ARFRP1: variants seen among roughly 807,000 people sequenced by gnomAD.
ARFRP1 encodes the protein ADP-ribosylation factor-related protein 1.
ARFRP1 carries 19 observed loss-of-function variants against 30.3 expected under a neutral mutation model. The observed-to-expected ratio is 0.63, with a 90% CI of 0.44 to 0.92. The LOEUF is 0.92. Ranked by LOEUF, ARFRP1 falls within the 40% of genes least tolerant of loss-of-function variation. The pLI is 0.00. For synonymous variants in ARFRP1, 133 were observed against 114.2 expected (o/e 1.16, Z -1.05); for missense variants, 245 against 267.5 (o/e 0.92, Z 0.59).
At position 63,700,674 on chromosome 20, in the gene ARFRP1, G is replaced by A. The variant is rs750696744; in HGVS notation, c.446C>T (p.Thr149Met). 18 of 1,610,740 alleles carry A rather than the reference G, an allele frequency of 1.1e-5. No individual in the cohort carries two copies. Among genetic ancestry groups the A allele is most frequent in the South Asian group, 3.3e-5 (3 of 91,002 alleles). The stretch of plus-strand genomic sequence containing the variant: ...CTTGCTGGTGCAGTCGCTGAAGGCC[G>A]TCTTGATGTCAGGGATTGAGAGGCA... ...ETCLSIPDIK[T>M]AFSDCTSKIG... The change falls in exon 7 of 8, where the codon ACG becomes ATG. Residue 149 changes from threonine (T) to methionine (M), a missense_variant. Thr to Met is a moderately conservative substitution (Grantham distance 81). Coordinates refer to ENST00000622789, the MANE Select transcript of ARFRP1 (RefSeq NM_001267547.3).
At position 63,701,822 on chromosome 20, in the gene ARFRP1, G is replaced by C; in HGVS notation, c.417+8C>G. On this transcript the variant is annotated splice_region_variant and intron_variant, in intron 6 of 7. Coordinates refer to ENST00000622789, the MANE Select transcript of ARFRP1 (RefSeq NM_001267547.3). ...GAAGCTGCTGCGGGAGGCAGGGGTG[G>C]GGCTCACCTCCACATCCTGCTTGTT... is the stretch of plus-strand genomic sequence containing the variant. 6.5e-7 allele frequency: 1 copy of C among 1,549,980 alleles called. No individual in the cohort carries two copies. The highest frequency in any genetic ancestry group is 8.7e-7 in the Non-Finnish European group (1 of 1,146,838).
rs772247720 is a variant in ARFRP1 at position 63,702,092 on chromosome 20, CCA to C, written c.346+42_346+43del. ...AGAGCTGCCCAAGCTGGACCTGCCCCCACTCACCATCCATCCCTCCCAGAGCA... is the reference window on the plus strand; with the variant it reads ...AGAGCTGCCCAAGCTGGACCTGCCCCCTCACCATCCATCCCTCCCAGAGCA... On this transcript the variant is annotated intron_variant, in intron 5 of 7. Coordinates refer to ENST00000622789, the MANE Select transcript of ARFRP1 (RefSeq NM_001267547.3). 1.6e-5 allele frequency: 26 copies of C among 1,591,060 alleles called. 1 individual carries two copies. The highest frequency in any genetic ancestry group is 1.2e-4 in the South Asian group (11 of 90,700).
chr20:63,702,047 A>G, intron 5 of ARFRP1, 89 bp downstream of exon 5: 1 of 1,277,390 alleles, frequency 7.8e-7, no homozygotes, highest in Non-Finnish European at 1.1e-6. Context: ...CTGACCAGAC[A>G]CTGAGCCTGC....
At chr20:63,706,605 G>A (rs955202756) in intron 3 of ARFRP1, 46 bp downstream of exon 3, 2 of 1,546,062 alleles carry the variant, frequency 1.3e-6, no homozygotes, top group African/African-American at 1.4e-5. Context: ...GAATATCACG[G>A]CATCCTCAAG....
chr20:63,700,922 A>T (rs2091173458), intron 6 of ARFRP1: 7 of 623,536 alleles, frequency 1.1e-5, no homozygotes, highest in Non-Finnish European at 1.4e-5. Flanking sequence ...AGACGTCCAC[A>T]CGGCTCCAAG....
At chr20:63,702,320 G>T (rs2091256230) in intron 4 of ARFRP1, 103 bp from the exon 5 acceptor site, 1 of 1,106,054 alleles carries the variant, frequency 9.0e-7, no homozygotes, top group Non-Finnish European at 1.3e-6. Flanking sequence ...CATGAGGAAG[G>T]GGCAAGAGGG....
chr20:63,701,046 G>A lies in ARFRP1; in HGVS notation c.418-344C>T, dbSNP rs1369071380. ...CAGGTCCCAGGGGCCCACACAGCCG[G>A]GGATGATGGAGAGGTGGGAGCCCTG... On this transcript the variant is annotated intron_variant, in intron 6 of 7. Transcript: ENST00000622789. 7 of 402,924 alleles carry A rather than the reference G, an allele frequency of 1.7e-5. No individual in the cohort carries two copies. The East Asian group carries it at 4.4e-4, about 25-fold the overall frequency. 25.0% of individuals were successfully genotyped at this position (402,924 alleles called of 1,614,324 possible).
chr20:63,706,664 G>A lies in ARFRP1; in HGVS notation c.168C>T (p.Thr56=), dbSNP rs750028516. 1.9e-5 allele frequency: 30 copies of A among 1,612,438 alleles called. No homozygotes were observed. Among genetic ancestry groups the A allele is most frequent in the African/African-American group, 2.7e-5 (2 of 74,910 alleles). ...KGMSLSKITT[T]VGLNIGTVDV... ...TGAGACCCTTACTGTTTAGGCCCAC[G>A]GTGGTGGTGATTTTGGATAGACTCA... Residue 56 remains threonine (T), a synonymous_variant, in exon 3 of 8, where the codon ACC becomes ACT. Transcript: ENST00000622789.
chr20:63,701,622 G>C (rs1214024412), intron 6 of ARFRP1: 1 of 602,342 alleles, frequency 1.7e-6, no homozygotes, highest in Non-Finnish European at 3.0e-6. Context: ...CCTGCCCTGA[G>C]GTGGGAGAAC....
At chr20:63,707,216 GCCATTC>G (rs2091525135) in intron 1 of ARFRP1, 119 bp from the exon 2 acceptor site, 1 of 819,562 alleles carries the variant, frequency 1.2e-6, no homozygotes, top group East Asian at 2.7e-5. Flanking sequence ...GAGCCTGGGG[GCCATTC>G]CCGACTCCTC....
chr20:63,707,013 T>C lies in ARFRP1; in HGVS notation c.79A>G (p.Asn27Asp), dbSNP rs747205794. The C allele has an allele frequency of 7.4e-6, 12 of 1,613,842 alleles. No homozygotes were observed. The Admixed American group carries it at 1.5e-4, about 20-fold the overall frequency. Residue 27 changes from asparagine (N) to aspartate (D), a missense_variant, in exon 2 of 8, where the codon AAT (asparagine) becomes GAT (aspartate). Coordinates refer to ENST00000622789, the MANE Select transcript of ARFRP1 (RefSeq NM_001267547.3). Reference protein sequence around the residue: ...EYCILILGLDNAGKTTFLEQS... With the variant: ...EYCILILGLDDAGKTTFLEQS... ...TGGGCACTCACCGTCTTCCCAGCAT[T>C]GTCCAGGCCCAGGATCAGGATGCAG... is the stretch of plus-strand genomic sequence containing the variant.
In ARFRP1 at chr20:63,700,282, T is replaced by C; in HGVS notation, c.*161A>G. On this transcript the variant is annotated 3_prime_UTR_variant, in exon 8 of 8. Transcript: ENST00000622789. ...TCCAAAGCCTCCGGATGCCTACGCT[T>C]TTCCAGACATAGAGGAAAGTTTGTC... is the stretch of plus-strand genomic sequence containing the variant. 8.8e-7 allele frequency: 1 copy of C among 1,137,806 alleles called. No individual in the cohort carries two copies. Among genetic ancestry groups the C allele is most frequent in the South Asian group, 1.5e-5 (1 of 65,470 alleles). 70.5% of individuals were successfully genotyped at this position (1,137,806 alleles called of 1,614,324 possible). A position where few individuals can be genotyped will look rare whatever the true frequency, so the allele number is the denominator to read the frequency against.
chr20:63,705,118 C>T (rs1280054704), intron 4 of ARFRP1: 1 of 152,626 alleles, frequency 6.6e-6, no homozygotes, highest in Non-Finnish European at 1.5e-5. Context: ...AGATCATCAT[C>T]ATCTGTGTCA....
In ARFRP1 at chr20:63,702,120, G is replaced by T; in HGVS notation, c.346+16C>A. 1 of 1,607,118 alleles carries T rather than the reference G, an allele frequency of 6.2e-7. No individual in the cohort carries two copies. The highest frequency in any genetic ancestry group is 8.5e-7 in the Non-Finnish European group (1 of 1,177,624). ...CTCACCATCCATCCCTCCCAGAGCAGCCAGGCCGCACTCACCAAACGCCTG... is the reference window on the plus strand; with the variant it reads ...CTCACCATCCATCCCTCCCAGAGCATCCAGGCCGCACTCACCAAACGCCTG... On this transcript the variant is annotated intron_variant, in intron 5 of 7. Coordinates refer to ENST00000622789, the MANE Select transcript of ARFRP1 (RefSeq NM_001267547.3).
At chr20:63,706,797 T>G in intron 2 of ARFRP1, 59 bp from the exon 3 acceptor site, 6 of 1,422,624 alleles carry the variant, frequency 4.2e-6, no homozygotes, top group Non-Finnish European at 6.0e-6. Flanking sequence ...CTTCCAAATA[T>G]CCTTACTCAG....
chr20:63,707,719 C>T (rs923849527), intron 1 of ARFRP1, 148 bp downstream of exon 1: 2 of 152,152 alleles, frequency 1.3e-5, no homozygotes, highest in Admixed American at 1.3e-4. Flanking sequence ...GGGTCGCGGC[C>T]CCCGGCTACG....
In ARFRP1 at chr20:63,700,033, T is replaced by C. The variant is rs1168477980; in HGVS notation, c.*410A>G. On this transcript the variant is annotated 3_prime_UTR_variant, in exon 8 of 8. Transcript: ENST00000622789. ...CAGGGCAGAAGCCAGATGGCAGCCATGGCTGACGGGCCTCCTCCTCGATGG... is the reference window on the plus strand; with the variant it reads ...CAGGGCAGAAGCCAGATGGCAGCCACGGCTGACGGGCCTCCTCCTCGATGG... The C allele has an allele frequency of 1.5e-5, 4 of 258,346 alleles. No individual in the cohort carries two copies. The highest frequency in any genetic ancestry group is 1.0e-4 in the East Asian group (1 of 9,934). 16.0% of individuals were successfully genotyped at this position (258,346 alleles called of 1,614,324 possible).
Position 63,700,328 on chromosome 20 carries a change from A to G in ARFRP1, c.*115T>C. The stretch of plus-strand genomic sequence containing the variant: ...TTGTCTTCGAGAAAACAAAGTAAAT[A>G]GAAGAACCCCAAAGCAAAGCAAACC... On this transcript the variant is annotated 3_prime_UTR_variant, in exon 8 of 8. Transcript: ENST00000622789. 1 of 1,429,414 alleles carries G rather than the reference A, an allele frequency of 7.0e-7. No homozygotes were observed. Among genetic ancestry groups the G allele is most frequent in the African/African-American group, 1.4e-5 (1 of 70,182 alleles). The allele number at this position is 1,429,414 out of a possible 1,614,324, so 88.5% of individuals were successfully genotyped here.
rs745643885 is a variant in ARFRP1, at chr20:63,700,435, G to C, written c.*8C>G. On this transcript the variant is annotated 3_prime_UTR_variant, in exon 8 of 8. Coordinates refer to ENST00000622789, the MANE Select transcript of ARFRP1 (RefSeq NM_001267547.3). The stretch of plus-strand genomic sequence containing the variant: ...GGACCAGCCGTCCCGACGGCAGCGC[G>C]GCTGCGCCTACGTGATGTCCCTCTG... 2 of 1,607,406 alleles carry C rather than the reference G, an allele frequency of 1.2e-6. No individual in the cohort carries two copies. Among genetic ancestry groups the C allele is most frequent in the African/African-American group, 1.3e-5 (1 of 75,000 alleles).
Sources: allele counts gnomAD v4.1 joint callset, GRCh38; gene constraint gnomAD v4.1.1; transcripts MANE v1.5; gene names NCBI Gene and HGNC (gene_info 2026-07-23, HGNC 2026-07-21).